The following NDUFAB1 variants were observed in gnomAD, a reference collection of about 807,000 sequenced individuals.
The protein encoded by NDUFAB1 is NADH:ubiquinone oxidoreductase subunit AB1, also known as acyl carrier protein, mitochondrial.
In NDUFAB1, 5 loss-of-function variants were observed where a neutral mutation model predicts 16.1. The observed-to-expected ratio is 0.31, with a 90% confidence interval of 0.16 to 0.65. NDUFAB1 has a LOEUF of 0.65. Among genes scored for constraint, NDUFAB1 ranks in the 30% least tolerant of loss-of-function variants. The pLI is 0.77. For missense variants in NDUFAB1, 187 were observed against 205.3 expected, an observed-to-expected ratio of 0.91 and a Z score of 0.54; for synonymous variants, 85 against 78.4, an observed-to-expected ratio of 1.08 and a Z score of -0.44.
chr16:23,585,747 C>CGA, intron 2 of NDUFAB1, among the ~76,000 whole-genome samples: 1 of 152,214 alleles, frequency 6.6e-6, no homozygotes, highest in Middle Eastern at 3.4e-3. Flanking sequence ...CACCTATGAG[C>CGA]GAGAACACAC....
chr16:23,585,279 C>T, intron 3 of NDUFAB1, 57 bp downstream of exon 3: 1 of 1,268,960 alleles, frequency 7.9e-7, no homozygotes, highest in African/African-American at 1.5e-5. Context: ...CCACTTCTTT[C>T]AGTTTAATCC....
At chr16:23,583,650 C>T (rs868782946) in intron 3 of NDUFAB1, among the ~76,000 whole-genome samples, 122 of 125,464 alleles carry the variant, frequency 9.7e-4, no homozygotes, top group South Asian at 1.5e-3. Flanking sequence ...GGAGCCCCTC[C>T]GCCCGGCAGC....
chr16:23,588,219 C>A (rs1468994307), intron 1 of NDUFAB1, among the ~76,000 whole-genome samples: 1 of 152,202 alleles, frequency 6.6e-6, no homozygotes, highest in East Asian at 1.9e-4. Context: ...CTTTGGGAGG[C>A]CACGGTGAGC....
chr16:23,582,397 A>G (rs1037556739), intron 3 of NDUFAB1, 22 bp from the exon 4 acceptor site: 2 of 1,534,288 alleles, frequency 1.3e-6, no homozygotes, highest in Non-Finnish European at 8.7e-7. Flanking sequence ...ATATACAACA[A>G]TGTGAGAGAG....
At chr16:23,595,979 T>G (rs1422210217) in intron 1 of NDUFAB1, 144 bp downstream of exon 1, 2 of 1,020,080 alleles carry the variant, frequency 2.0e-6, no homozygotes, top group East Asian at 5.6e-5. Flanking sequence ...CTAAACACCT[T>G]TAGGCAGCGG....
Position 23,582,382 on chromosome 16 carries a change from G to C in NDUFAB1, c.380-7C>G, listed in dbSNP as rs1966187381. 1.3e-6 allele frequency: 2 copies of C among 1,540,784 alleles called. No individual in the cohort carries two copies. The highest frequency in any genetic ancestry group is 1.7e-6 in the Non-Finnish European group (2 of 1,147,298). On this transcript the variant is annotated splice_polypyrimidine_tract_variant and splice_region_variant and intron_variant, in intron 3 of 4. Coordinates refer to ENST00000007516, the MANE Select transcript of NDUFAB1 (RefSeq NM_005003.3). ...ATATCAGGAATTTCAAACCCTAAAA[G>C]AAAAATATACAACAATGTGAGAGAG...
intron 1 of NDUFAB1, among the ~76,000 whole-genome samples, chr16:23,594,390 C>T (rs995874089): frequency 3.3e-5 from 5 of 151,018 alleles, no homozygotes; most frequent in African/African-American, 1.2e-4. Context: ...AGACGGTCTG[C>T]CTCCCAGACT....
chr16:23,592,341 A>G (rs772772940), intron 1 of NDUFAB1, among the ~76,000 whole-genome samples: 149 of 107,032 alleles, frequency 1.4e-3, no homozygotes, highest in Non-Finnish European at 2.2e-3. Context: ...CCTTGTCTGG[A>G]AAAAAAAAAA....
rs137934597 is a variant in NDUFAB1, at chr16:23,592,682, T to C, written c.168+3441A>G. Among the ~76,000 whole-genome samples, 491 of 152,344 alleles carry C rather than the reference T, an allele frequency of 3.2e-3. 6 individuals carry two copies. Among genetic ancestry groups the C allele is most frequent in the Middle Eastern group, 0.01 (3 of 294 alleles). On this transcript the variant is annotated intron_variant, in intron 1 of 4. Coordinates refer to ENST00000007516, the MANE Select transcript of NDUFAB1 (RefSeq NM_005003.3). ...GACTTCCAGGCTGCATTTTAGGCCA[T>C]TGCCCTTGGTTTTTGTTTTTTTGTT...
At chr16:23,589,943 A>G (rs1364641929) in intron 1 of NDUFAB1, among the ~76,000 whole-genome samples, 1 of 83,290 alleles carries the variant, frequency 1.2e-5, no homozygotes, top group Non-Finnish European at 2.2e-5. Context: ...CTCCAAAAAG[A>G]AAAAAAAAAA....
chr16:23,594,980 C>T (rs907574341), intron 1 of NDUFAB1, among the ~76,000 whole-genome samples: 1 of 150,678 alleles, frequency 6.6e-6, no homozygotes, highest in African/African-American at 2.4e-5. Flanking sequence ...AGGCAGGGCG[C>T]GGTGGTTCAC....
intron 3 of NDUFAB1, among the ~76,000 whole-genome samples, chr16:23,584,257 A>AAAAAAAAAAAAAAT (rs1966212908): frequency 8.7e-6 from 1 of 115,574 alleles, no homozygotes; most frequent in South Asian, 3.0e-4. Flanking sequence ...TGATCAATTA[A>AAAAAAAAAAAAAAT]AAAAAAAAAA....
At chr16:23,593,572 C>T (rs896251881) in intron 1 of NDUFAB1, among the ~76,000 whole-genome samples, 1 of 152,130 alleles carries the variant, frequency 6.6e-6, no homozygotes, top group Non-Finnish European at 1.5e-5. Flanking sequence ...CAAGCCAAGC[C>T]GCCATAGTGG....
intron 1 of NDUFAB1, among the ~76,000 whole-genome samples, 182 bp from the exon 2 acceptor site, chr16:23,587,501 C>T (rs1966244098): frequency 6.6e-6 from 1 of 152,250 alleles, no homozygotes; most frequent in South Asian, 2.1e-4. Flanking sequence ...GAAGCCCCAA[C>T]AGTTCAGCAG....
chr16:23,587,569 CCT>C (rs1244853925), intron 1 of NDUFAB1, among the ~76,000 whole-genome samples: 2 of 152,230 alleles, frequency 1.3e-5, no homozygotes, highest in Non-Finnish European at 2.9e-5. Context: ...TGGCTTCAAC[CCT>C]CAGGCTCTGG....
intron 3 of NDUFAB1, among the ~76,000 whole-genome samples, chr16:23,583,681 GAGCCCC>G (rs1212561870): frequency 0.024 from 3,369 of 137,760 alleles, 507 homozygotes; most frequent in African/African-American, 0.053. Context: ...GAGAAGTGAG[GAGCCCC>G]TCTGCCCGGC....
chr16:23,588,528 G>A (rs1187293281), intron 1 of NDUFAB1, among the ~76,000 whole-genome samples: 1 of 152,180 alleles, frequency 6.6e-6, no homozygotes, highest in Non-Finnish European at 1.5e-5. Context: ...TAAGTCCGAG[G>A]CTTGGCGTTC....
intron 1 of NDUFAB1, among the ~76,000 whole-genome samples, chr16:23,591,396 CT>C (rs1966278213): frequency 1.3e-5 from 2 of 152,208 alleles, no homozygotes; most frequent in Non-Finnish European, 2.9e-5. Context: ...CTGGGGCTCA[CT>C]TCTGCCTGAG....
chr16:23,592,213 G>A (rs929734521), intron 1 of NDUFAB1, among the ~76,000 whole-genome samples: 1 of 152,120 alleles, frequency 6.6e-6, no homozygotes, highest in African/African-American at 2.4e-5. Flanking sequence ...GCGTGGTAGC[G>A]CAGGCCAGTT....
Sources: allele counts gnomAD v4.1 joint callset (sites outside exome capture counted in the v4.1 genomes callset), GRCh38; gene constraint gnomAD v4.1.1; transcripts MANE v1.5; gene names NCBI Gene and HGNC (gene_info 2026-07-23, HGNC 2026-07-21).